Variants in ADK observed in about 807,000 individuals in gnomAD.
ADK encodes the protein adenosine kinase, also known as N6,N6-dimethyladenosine kinase.
Under a neutral mutation model 44.7 loss-of-function variants are expected in ADK, and 24 were observed. That is an observed-to-expected ratio of 0.54 (90% CI 0.39 to 0.76). The LOEUF (loss-of-function observed/expected upper bound fraction) is 0.76. ADK is among the 30% of genes least tolerant of loss of function. The pLI is 0.00. For missense variants in ADK, 321 were observed against 425.1 expected (o/e 0.76, Z 2.15); for synonymous variants, 128 against 142.6 (o/e 0.90, Z 0.73).
chr10:74,551,230 C>G (rs575293076), intron 7 of ADK, among the ~76,000 whole-genome samples: 4 of 152,220 alleles, frequency 2.6e-5, no homozygotes, highest in African/African-American at 9.6e-5. Flanking sequence ...AAAATTAACT[C>G]CTACCTTATA....
At chr10:74,456,336 A>C (rs189531202) in intron 6 of ADK, among the ~76,000 whole-genome samples, 1 of 152,244 alleles carries the variant, frequency 6.6e-6, no homozygotes, top group Non-Finnish European at 1.5e-5. Flanking sequence ...CATAAAAAAC[A>C]CTTTCTCAGA....
At chr10:74,403,572 G>A (rs748726058) in intron 6 of ADK, among the ~76,000 whole-genome samples, 1 of 152,186 alleles carries the variant, frequency 6.6e-6, no homozygotes, top group Admixed American at 6.5e-5. Context: ...ATCTCCTGGT[G>A]TGCCGTTTGC....
chr10:74,589,757 A>G (rs1169410137), intron 8 of ADK, among the ~76,000 whole-genome samples: 1 of 152,228 alleles, frequency 6.6e-6, no homozygotes, highest in African/African-American at 2.4e-5. Flanking sequence ...GTAGATTATC[A>G]TTATGCAAAT....
chr10:74,541,804 CCT>C lies in ADK; in HGVS notation c.726+16379_726+16380del, dbSNP rs201611856. On this transcript the variant is annotated intron_variant, in intron 7 of 10. Transcript: ENST00000539909. ...CGAGAACCCCCACACACCCCCCCCCCCTAAAAAAAAACAACACAACACAGAAA... is the reference window on the plus strand; with the variant it reads ...CGAGAACCCCCACACACCCCCCCCCCAAAAAAAAACAACACAACACAGAAA... Among the ~76,000 whole-genome samples the C allele has an allele frequency of 2.0e-4, 28 of 137,304 alleles. No individual in the cohort carries two copies. The East Asian group carries it at 2.3e-3, about 11-fold the overall frequency. 90.1% of individuals were successfully genotyped at this position (137,304 alleles called of 152,430 possible). A position where few individuals can be genotyped will look rare whatever the true frequency, so the allele number is the denominator to read the frequency against.
intron 1 of ADK, among the ~76,000 whole-genome samples, chr10:74,166,753 C>G (rs1472144917): frequency 2.0e-5 from 3 of 151,476 alleles, no homozygotes; most frequent in Non-Finnish European, 4.4e-5. Flanking sequence ...TTCCTCTTAG[C>G]TATTTCTGAT....
intron 6 of ADK, among the ~76,000 whole-genome samples, chr10:74,444,606 C>T (rs1469633997): frequency 6.6e-6 from 1 of 152,074 alleles, no homozygotes; most frequent in Non-Finnish European, 1.5e-5. Flanking sequence ...AAGGCAGCTT[C>T]TCTCTGACAG....
chr10:74,427,276 G>C (rs1449964174), intron 6 of ADK, among the ~76,000 whole-genome samples: 4 of 152,112 alleles, frequency 2.6e-5, no homozygotes, highest in Non-Finnish European at 5.9e-5. Context: ...TCCGCTCACT[G>C]CAAGCTCGAC....
intron 6 of ADK, among the ~76,000 whole-genome samples, chr10:74,520,704 G>A (rs1233384764): frequency 6.6e-6 from 1 of 152,020 alleles, no homozygotes; most frequent in Non-Finnish European, 1.5e-5. Context: ...GAGTGGTTGT[G>A]TAATGTGTTT....
At chr10:74,387,899 TC>T (rs1253214478) in intron 4 of ADK, among the ~76,000 whole-genome samples, 1 of 152,012 alleles carries the variant, frequency 6.6e-6, no homozygotes, top group African/African-American at 2.4e-5. Flanking sequence ...TCTTTTTATT[TC>T]TTTTTTTTCT....
intron 3 of ADK, among the ~76,000 whole-genome samples, chr10:74,293,626 C>T (rs1325546410): frequency 6.6e-6 from 1 of 152,060 alleles, no homozygotes; most frequent in Non-Finnish European, 1.5e-5. Flanking sequence ...TAAAATACTT[C>T]TTTATGTTAA....
intron 3 of ADK, among the ~76,000 whole-genome samples, chr10:74,263,269 C>A (rs907575724): frequency 2.0e-5 from 3 of 152,156 alleles, no homozygotes; most frequent in African/African-American, 7.2e-5. Flanking sequence ...ACAGGCTATG[C>A]TTCATCATGA....
chr10:74,443,554 A>G (rs1161887818), intron 6 of ADK, among the ~76,000 whole-genome samples: 3 of 152,176 alleles, frequency 2.0e-5, no homozygotes, highest in African/African-American at 7.2e-5. Context: ...GTTGTGGGAC[A>G]ATGCTACACT....
At position 74,233,876 on chromosome 10, in the gene ADK, G is replaced by A. The variant is rs548443208; in HGVS notation, c.194+9285G>A. Among the ~76,000 whole-genome samples the A allele has an allele frequency of 3.9e-5, 6 of 152,244 alleles. No individual in the cohort carries two copies. In the South Asian group the frequency reaches 1.2e-3, roughly 32 times the overall value. On this transcript the variant is annotated intron_variant, in intron 3 of 10. Transcript: ENST00000539909. ...GTCAATTTTTAGGGGGAAGGATAAG[G>A]TGTTTCCTAGAAACTTTATTCAGAG...
intron 3 of ADK, among the ~76,000 whole-genome samples, chr10:74,276,436 A>G (rs1289836995): frequency 6.6e-6 from 1 of 152,186 alleles, no homozygotes; most frequent in East Asian, 1.9e-4. Context: ...AAGCAAGGAG[A>G]AGGGTGTATT....
chr10:74,289,498 A>AAAAAAAATGTACCCTTATTT (rs1204316908), intron 3 of ADK, among the ~76,000 whole-genome samples: 1 of 151,818 alleles, frequency 6.6e-6, no homozygotes, highest in Non-Finnish European at 1.5e-5. Context: ...TAAAACACTT[A>AAAAAAAATGTACCCTTATTT]AAAAAAATGT....
chr10:74,631,764 A>G (rs1024507589), intron 9 of ADK, among the ~76,000 whole-genome samples: 1 of 152,288 alleles, frequency 6.6e-6, no homozygotes, highest in African/African-American at 2.4e-5. Context: ...TTTTTTAAAT[A>G]TATAGAAAAT....
chr10:74,379,404 A>G (rs1359739115), intron 4 of ADK, among the ~76,000 whole-genome samples: 1 of 152,242 alleles, frequency 6.6e-6, no homozygotes, highest in East Asian at 1.9e-4. Context: ...ATCCAGTTAT[A>G]CACAGTAGCA....
chr10:74,622,427 T>TA lies in ADK; in HGVS notation c.877+21945dup, dbSNP rs906694874. Among the ~76,000 whole-genome samples the TA allele has an allele frequency of 7.6e-4, 114 of 149,202 alleles. No homozygotes were observed. In the East Asian group the frequency reaches 0.011, roughly 14 times the overall value. On this transcript the variant is annotated intron_variant, in intron 9 of 10. Transcript: ENST00000539909. Reference sequence around the variant, plus strand: ...TCAGCTCTCTCATCCCTTCTTTATTTAAAAAAAAAAATTAAGCTTTTCTGC... The same window carrying TA: ...TCAGCTCTCTCATCCCTTCTTTATTTAAAAAAAAAAAATTAAGCTTTTCTGC...
At chr10:74,465,601 T>C (rs1312687457) in intron 6 of ADK, among the ~76,000 whole-genome samples, 1 of 152,188 alleles carries the variant, frequency 6.6e-6, no homozygotes, top group Non-Finnish European at 1.5e-5. Flanking sequence ...CAGTGGGAGA[T>C]ATGATGACTT....
Sources: allele counts gnomAD v4.1 joint callset (sites outside exome capture counted in the v4.1 genomes callset), GRCh38; gene constraint gnomAD v4.1.1; transcripts MANE v1.5; gene names NCBI Gene and HGNC (gene_info 2026-07-23, HGNC 2026-07-21).